The following SPSB4 variants were observed in gnomAD, a reference collection of about 807,000 sequenced individuals.
SPSB4 encodes the protein SPRY domain-containing SOCS box protein 4.
A neutral mutation model predicts 20.9 loss-of-function variants in SPSB4; 21 were observed. The ratio of observed to expected loss-of-function variants is 1.01; its 90% CI spans 0.71 to 1.45. The LOEUF is 1.45. SPSB4 is among the 40% of genes most tolerant of loss of function. The pLI, the probability that SPSB4 is intolerant of heterozygous loss-of-function variation, is 0.00. For missense variants in SPSB4, 399 were observed against 399.2 expected (o/e 1.00, Z 0.00); for synonymous variants, 207 against 183.8 (o/e 1.13, Z -1.02).
At chr3:141,066,992 C>T (rs10935417) in intron 2 of SPSB4, among the ~76,000 whole-genome samples, 194 bp downstream of exon 2, 32,380 of 152,138 alleles carry the variant, frequency 0.21, 4,109 homozygotes, top group African/African-American at 0.34. Context: ...TCGGCAAAAG[C>T]ATCACGATGA....
intron 2 of SPSB4, among the ~76,000 whole-genome samples, chr3:141,120,065 T>C (rs1040201675): frequency 3.9e-5 from 6 of 152,218 alleles, no homozygotes; most frequent in Admixed American, 3.3e-4. Flanking sequence ...GCTATAAATT[T>C]TCCTCTACAC....
At chr3:141,118,528 C>T (rs924904880) in intron 2 of SPSB4, among the ~76,000 whole-genome samples, 12 of 152,124 alleles carry the variant, frequency 7.9e-5, no homozygotes, top group Non-Finnish European at 1.8e-4. Context: ...GCTTTTGTTG[C>T]CATTGCTTTT....
At chr3:141,072,808 C>T (rs1013798954) in intron 2 of SPSB4, among the ~76,000 whole-genome samples, 5 of 152,182 alleles carry the variant, frequency 3.3e-5, no homozygotes, top group South Asian at 2.1e-4. Flanking sequence ...CTGTGTATCT[C>T]GGCCCCCCAT....
chr3:141,066,520 C>A lies in SPSB4; in HGVS notation c.416C>A (p.Ser139Ter). 6.6e-7 allele frequency: 1 copy of A among 1,507,528 alleles called. No individual in the cohort carries two copies. The highest frequency in any genetic ancestry group is 2.4e-5 in the East Asian group (1 of 41,716). The allele number at this position is 1,507,528 out of a possible 1,614,324, so 93.4% of individuals were successfully genotyped here. A position where few individuals can be genotyped will look rare whatever the true frequency, so the allele number is the denominator to read the frequency against. ...GCGCTGGTAGGCAGTGACGCCGAGT[C>A]GTGGGGCTGGGACCTGGGCCGCAGC... is the stretch of plus-strand genomic sequence containing the variant. ...YTALVGSDAESWGWDLGRSRL... is the reference protein window; with the variant it reads ...YTALVGSDAE Residue 139 changes from serine (S) to a stop codon, truncating the protein, a stop_gained, in exon 2 of 3, where the codon TCG (serine) becomes TAG (stop). Coordinates refer to ENST00000310546, the MANE Select transcript of SPSB4 (RefSeq NM_080862.3). LOFTEE classifies it high-confidence loss of function.
At chr3:141,081,727 CCTGAGCCTG>C (rs968891621) in intron 2 of SPSB4, among the ~76,000 whole-genome samples, 1 of 152,072 alleles carries the variant, frequency 6.6e-6, no homozygotes, top group African/African-American at 2.4e-5. Context: ...TGGGGACGTC[CCTGAGCCTG>C]CTGAGCCTCC....
chr3:141,116,504 C>G (rs577359273), intron 2 of SPSB4, among the ~76,000 whole-genome samples: 1 of 152,326 alleles, frequency 6.6e-6, no homozygotes, highest in Non-Finnish European at 1.5e-5. Context: ...CATCATCCCA[C>G]TTCTTCATGG....
chr3:141,072,808 CG>C (rs1246424015), intron 2 of SPSB4, among the ~76,000 whole-genome samples: 1 of 152,182 alleles, frequency 6.6e-6, no homozygotes, highest in Non-Finnish European at 1.5e-5. Context: ...CTGTGTATCT[CG>C]GCCCCCCATC....
chr3:141,099,269 C>G (rs1281197197), intron 2 of SPSB4, among the ~76,000 whole-genome samples: 1 of 151,414 alleles, frequency 6.6e-6, no homozygotes, highest in Non-Finnish European at 1.5e-5. Flanking sequence ...ACTGCAAGCT[C>G]TGCCTCCTGG....
rs533802410 is a variant in SPSB4, at chr3:141,136,483, T to G, written c.695-10659T>G. 2.6e-5 allele frequency among the ~76,000 whole-genome samples: 4 copies of G among 152,354 alleles called. No homozygotes were observed. The South Asian group carries it at 6.2e-4, about 24-fold the overall frequency. On this transcript the variant is annotated intron_variant, in intron 2 of 2. Coordinates refer to ENST00000310546, the MANE Select transcript of SPSB4 (RefSeq NM_080862.3). ...TTTTTATGGTTTTAGGTCTAACATG[T>G]AAGTCTTTAATCCACCTTGAATTAA...
chr3:141,087,535 A>C (rs1938368389), intron 2 of SPSB4, among the ~76,000 whole-genome samples: 1 of 152,234 alleles, frequency 6.6e-6, no homozygotes, highest in African/African-American at 2.4e-5. Flanking sequence ...CAGTGACGTC[A>C]GGCACTGTGG....
chr3:141,068,017 C>T (rs1467133887), intron 2 of SPSB4, among the ~76,000 whole-genome samples: 1 of 152,184 alleles, frequency 6.6e-6, no homozygotes, highest in Non-Finnish European at 1.5e-5. Context: ...CCTATGTTCT[C>T]CCCTTTAGAT....
chr3:141,107,954 TA>T (rs575805754), intron 2 of SPSB4, among the ~76,000 whole-genome samples: 1,603 of 144,750 alleles, frequency 0.011, 25 homozygotes, highest in African/African-American at 0.039. Flanking sequence ...GACTCTGTCT[TA>T]AAAAAAAAAA....
At chr3:141,062,652 A>G (rs1937787487) in intron 1 of SPSB4, among the ~76,000 whole-genome samples, 1 of 152,164 alleles carries the variant, frequency 6.6e-6, no homozygotes, top group Non-Finnish European at 1.5e-5. Context: ...GTTGGGGTCA[A>G]GTTGTTTAAA....
chr3:141,147,023 C>A, intron 2 of SPSB4, 119 bp from the exon 3 acceptor site: 1 of 1,370,008 alleles, frequency 7.3e-7, no homozygotes, highest in Non-Finnish European at 1.0e-6. Flanking sequence ...CAAGGAGAAG[C>A]CATTGACCCT....
chr3:141,090,175 C>G (rs755148447), intron 2 of SPSB4, among the ~76,000 whole-genome samples: 5 of 152,200 alleles, frequency 3.3e-5, no homozygotes, highest in Non-Finnish European at 5.9e-5. Flanking sequence ...ATTCTACCAC[C>G]ATGTGTCCAT....
chr3:141,141,822 T>A (rs1939333870), intron 2 of SPSB4, among the ~76,000 whole-genome samples: 2 of 152,208 alleles, frequency 1.3e-5, no homozygotes, highest in Admixed American at 1.3e-4. Context: ...AATTTTCTAG[T>A]TTGTATGTGT....
intron 1 of SPSB4, among the ~76,000 whole-genome samples, chr3:141,056,719 C>T (rs1223980929): frequency 6.6e-6 from 1 of 152,254 alleles, no homozygotes; most frequent in African/African-American, 2.4e-5. Context: ...TCCCTTCATG[C>T]TTTGACCCAG....
intron 2 of SPSB4, among the ~76,000 whole-genome samples, chr3:141,128,710 T>A (rs565037699): frequency 6.6e-6 from 1 of 151,664 alleles, no homozygotes; most frequent in East Asian, 1.9e-4. Context: ...AGTGGAAGAT[T>A]TGAGTGGTAG....
intron 2 of SPSB4, among the ~76,000 whole-genome samples, chr3:141,091,082 AG>A (rs1938441646): frequency 1.3e-5 from 2 of 152,214 alleles, no homozygotes; most frequent in South Asian, 4.1e-4. Flanking sequence ...AGTGGCCAGC[AG>A]GGGCTCAGAT....
Sources: allele counts gnomAD v4.1 joint callset (sites outside exome capture counted in the v4.1 genomes callset), GRCh38; gene constraint gnomAD v4.1.1; transcripts MANE v1.5; gene names NCBI Gene and HGNC (gene_info 2026-07-23, HGNC 2026-07-21).